The following NRG1 variants were observed in gnomAD, a reference collection of about 807,000 sequenced individuals.
NRG1 encodes the protein pro-neuregulin-1, membrane-bound isoform.
NRG1 carries 18 observed loss-of-function variants against 63.8 expected under a neutral mutation model. The ratio of observed to expected loss-of-function variants is 0.28; its 90% confidence interval spans 0.19 to 0.42. The LOEUF is 0.42. NRG1 is among the 10% of genes least tolerant of loss of function. The probability of loss-of-function intolerance (pLI) is 1.00; values close to 1 mark genes in which losing one functional copy is unlikely to be tolerated. For missense variants in NRG1, 762 were observed against 814.7 expected, an observed-to-expected ratio of 0.94 and a Z score of 0.79; for synonymous variants, 302 against 301.3, an observed-to-expected ratio of 1.00 and a Z score of -0.02.
At chr8:32,536,939 A>G (rs1485261308) in intron 1 of NRG1, among the ~76,000 whole-genome samples, 8 of 148,178 alleles carry the variant, frequency 5.4e-5, no homozygotes, top group Admixed American at 3.4e-4. Context: ...AAAAAAAAAA[A>G]AAAAAAAAAA....
intron 1 of NRG1, among the ~76,000 whole-genome samples, chr8:31,832,100 T>G (rs1347894561): frequency 6.6e-6 from 1 of 152,200 alleles, no homozygotes; most frequent in Non-Finnish European, 1.5e-5. Flanking sequence ...AACACAGCTT[T>G]TGGAAGGAAT....
chr8:31,934,659 T>C (rs1835153651), intron 1 of NRG1, among the ~76,000 whole-genome samples: 1 of 152,108 alleles, frequency 6.6e-6, no homozygotes, highest in East Asian at 1.9e-4. Context: ...CACATTTTAC[T>C]TCTATGGATA....
intron 1 of NRG1, among the ~76,000 whole-genome samples, chr8:31,854,847 T>A (rs1827673145): frequency 6.6e-6 from 1 of 152,176 alleles, no homozygotes; most frequent in South Asian, 2.1e-4. Flanking sequence ...ACATCTTTAT[T>A]TCTGCCTTCG....
intron 1 of NRG1, among the ~76,000 whole-genome samples, chr8:31,836,251 T>G (rs1430450177): frequency 2.0e-5 from 3 of 152,204 alleles, no homozygotes; most frequent in Admixed American, 2.0e-4. Flanking sequence ...TGGTAAGACT[T>G]TGCTTATATT....
chr8:32,473,883 G>A (rs778710506), intron 1 of NRG1, among the ~76,000 whole-genome samples: 4 of 151,930 alleles, frequency 2.6e-5, no homozygotes, highest in Non-Finnish European at 4.4e-5. Flanking sequence ...ACGATGTCTC[G>A]CCATGTTTCC....
chr8:32,597,085 G>A (rs111244875), intron 2 of NRG1, among the ~76,000 whole-genome samples: 6 of 152,256 alleles, frequency 3.9e-5, no homozygotes, highest in African/African-American at 7.2e-5. Flanking sequence ...GAAGAGATAA[G>A]TGGATTAGAT....
exon 12 of NRG1, chr8:32,764,515 G>GA (rs1016782919): frequency 1.7e-5 from 17 of 1,000,522 alleles, no homozygotes; most frequent in Admixed American, 3.6e-5. Flanking sequence ...TAGAAAACAG[G>GA]AAAAAAACTT....
intron 1 of NRG1, among the ~76,000 whole-genome samples, chr8:31,850,910 G>A (rs558796343): frequency 5.9e-5 from 9 of 152,258 alleles, no homozygotes; most frequent in Non-Finnish European, 1.2e-4. Flanking sequence ...TGACAAAACC[G>A]GATTAGTGCT....
chr8:32,249,385 T>C (rs1848878696), intron 1 of NRG1, among the ~76,000 whole-genome samples: 1 of 152,128 alleles, frequency 6.6e-6, no homozygotes, highest in Non-Finnish European at 1.5e-5. Flanking sequence ...ATTTAAGCCA[T>C]GGGTCAAGAG....
intron 1 of NRG1, among the ~76,000 whole-genome samples, chr8:31,949,639 C>A (rs1803159522): frequency 6.6e-6 from 1 of 152,156 alleles, no homozygotes; most frequent in Non-Finnish European, 1.5e-5. Context: ...CTTCCTCTGC[C>A]TAATTTCTCA....
chr8:32,288,455 A>G (rs1853805321), intron 1 of NRG1, among the ~76,000 whole-genome samples: 1 of 152,214 alleles, frequency 6.6e-6, no homozygotes, highest in South Asian at 2.1e-4. Flanking sequence ...CTTTGACTTT[A>G]AAAGCCCATT....
intron 1 of NRG1, among the ~76,000 whole-genome samples, chr8:32,245,719 T>C (rs1048703001): frequency 2.0e-5 from 3 of 152,162 alleles, no homozygotes; most frequent in Admixed American, 2.0e-4. Flanking sequence ...GCCTGATTAT[T>C]TACATTGTTG....
At chr8:32,647,949 A>G (rs745801937) in intron 5 of NRG1, 21 of 1,614,104 alleles carry the variant, frequency 1.3e-5, no homozygotes, top group Non-Finnish European at 1.8e-5. Flanking sequence ...GAAAATCTGC[A>G]TTGTCCCCAT....
intron 6 of NRG1, among the ~76,000 whole-genome samples, chr8:32,733,020 TG>T (rs1454658250): frequency 6.6e-6 from 1 of 152,096 alleles, no homozygotes; most frequent in Non-Finnish European, 1.5e-5. Context: ...TTGGTCAGGC[TG>T]GCCTCAAACT....
chr8:32,692,773 C>T (rs191335269), intron 5 of NRG1, among the ~76,000 whole-genome samples: 154 of 152,194 alleles, frequency 1.0e-3, no homozygotes, highest in Middle Eastern at 6.8e-3. Flanking sequence ...GGAAATCTGC[C>T]GAGTGCATGG....
intron 1 of NRG1, among the ~76,000 whole-genome samples, chr8:31,951,830 C>G (rs1439112850): frequency 6.6e-6 from 1 of 152,014 alleles, no homozygotes; most frequent in Non-Finnish European, 1.5e-5. Flanking sequence ...CCTTTTTGAT[C>G]AAAAGCATGA....
At chr8:32,637,926 G>A (rs1031002629) in intron 5 of NRG1, among the ~76,000 whole-genome samples, 9 of 152,134 alleles carry the variant, frequency 5.9e-5, no homozygotes, top group African/African-American at 2.2e-4. Context: ...GCATTAAAGA[G>A]TAAACTTTCA....
intron 1 of NRG1, among the ~76,000 whole-genome samples, chr8:32,080,813 GAGAC>G (rs1284850066): frequency 1.7e-4 from 25 of 150,654 alleles, no homozygotes; most frequent in African/African-American, 3.7e-4. Flanking sequence ...GTGTGTGACA[GAGAC>G]AGACAGAAAG....
intron 1 of NRG1, among the ~76,000 whole-genome samples, chr8:32,463,874 C>CTTTTTTTTTTTTTTTTTTTTTTTT (rs756489856): frequency 4.7e-5 from 2 of 42,356 alleles, no homozygotes; most frequent in Admixed American, 2.7e-4. Context: ...ACTTAGAATT[C>CTTTTTTTTTTTTTTTTTTTTTTTT]TTTTTTTTTT....
Sources: gnomAD v4.1 joint callset for allele counts (sites outside exome capture counted in the v4.1 genomes callset) on GRCh38, gnomAD v4.1.1 for gene constraint, MANE v1.5 for transcripts, NCBI Gene and HGNC (gene_info 2026-07-23, HGNC 2026-07-21) for gene names.